Variants in CNTRL observed in about 807,000 individuals in gnomAD.
The protein encoded by CNTRL is centriolin.
CNTRL carries 233 observed loss-of-function variants against 303.7 expected under a neutral mutation model. The ratio of observed to expected loss-of-function variants is 0.77; its 90% CI spans 0.69 to 0.86. CNTRL has a LOEUF of 0.86. Among genes scored for constraint, CNTRL ranks in the 40% least tolerant of loss-of-function variants. The pLI is 0.00. For synonymous variants in CNTRL, 900 were observed against 922.2 expected (o/e 0.98, Z 0.44); for missense variants, 2,524 against 2,650.6 (o/e 0.95, Z 1.05).
intron 14 of CNTRL, 63 bp downstream of exon 14, chr9:121,125,999 A>G (rs2050502003): frequency 1.5e-6 from 2 of 1,344,578 alleles, no homozygotes; most frequent in Non-Finnish European, 2.1e-6. Context: ...AAATTAAGTT[A>G]GTTGGAGGAG....
In CNTRL at chr9:121,100,948, C is replaced by T. The variant is rs2049133954; in HGVS notation, c.808+2376C>T. The stretch of plus-strand genomic sequence containing the variant: ...ACCTACAAAGAGACTTAGACTCCCA[C>T]ACAATAATAATGGGAGACTTTAACA... On this transcript the variant is annotated intron_variant, in intron 7 of 43. Coordinates refer to ENST00000373855, the MANE Select transcript of CNTRL (RefSeq NM_007018.6). 2.0e-5 allele frequency among the ~76,000 whole-genome samples: 3 copies of T among 152,312 alleles called. No individual in the cohort carries two copies. In the South Asian group the frequency reaches 6.2e-4, roughly 32 times the overall value.
intron 15 of CNTRL, among the ~76,000 whole-genome samples, chr9:121,137,633 T>G (rs1278454416): frequency 6.6e-6 from 1 of 152,194 alleles, no homozygotes; most frequent in Non-Finnish European, 1.5e-5. Context: ...ATTGTATTTC[T>G]CGAGTACCGA....
chr9:121,156,072 A>G (rs1232015179), intron 27 of CNTRL, among the ~76,000 whole-genome samples: 1 of 152,054 alleles, frequency 6.6e-6, no homozygotes, highest in African/African-American at 2.4e-5. Flanking sequence ...GAGAAAATAG[A>G]TGTGAGCAGA....
intron 40 of CNTRL, among the ~76,000 whole-genome samples, chr9:121,172,534 G>A (rs1004078078): frequency 2.6e-5 from 4 of 152,068 alleles, no homozygotes; most frequent in Admixed American, 6.5e-5. Flanking sequence ...CCAGCTATTC[G>A]GGAGGCTGAG....
intron 14 of CNTRL, among the ~76,000 whole-genome samples, chr9:121,132,513 A>G (rs889752900): frequency 6.6e-6 from 1 of 152,074 alleles, no homozygotes; most frequent in African/African-American, 2.4e-5. Flanking sequence ...TACACTCTTT[A>G]TTCTAATTAG....
chr9:121,177,492 C>CA lies in CNTRL; in HGVS notation c.*306_*307insA. 1 of 314,670 alleles carries CA rather than the reference C, an allele frequency of 3.2e-6. No individual in the cohort carries two copies. Among genetic ancestry groups the CA allele is most frequent in the African/African-American group, 2.1e-5 (1 of 46,946 alleles). The allele number at this position is 314,670 out of a possible 1,614,324, so 19.5% of individuals were successfully genotyped here. A position where few individuals can be genotyped will look rare whatever the true frequency, so the allele number is the denominator to read the frequency against. On this transcript the variant is annotated 3_prime_UTR_variant, in exon 44 of 44. Coordinates refer to ENST00000373855, the MANE Select transcript of CNTRL (RefSeq NM_007018.6). ...TTAACTGCATATTTGAACCTACAAA[C>CA]TGGTAAATCTTATTAACAAAAAGAA...
chr9:121,163,415 A>G (rs2052948448), intron 34 of CNTRL, among the ~76,000 whole-genome samples: 2 of 151,392 alleles, frequency 1.3e-5, no homozygotes, highest in Admixed American at 6.6e-5. Context: ...CTTCTAGAAG[A>G]AAACATAAAA....
At chr9:121,137,928 C>T (rs1312914204) in intron 15 of CNTRL, among the ~76,000 whole-genome samples, 1 of 152,194 alleles carries the variant, frequency 6.6e-6, no homozygotes, top group Non-Finnish European at 1.5e-5. Context: ...GACATTCCCC[C>T]TCCCTCAGCA....
Position 121,095,019 on chromosome 9 carries a change from G to A in CNTRL, c.479+1G>A, listed in dbSNP as rs368045013. 7.5e-6 allele frequency: 12 copies of A among 1,593,882 alleles called. No homozygotes were observed. In the South Asian group the frequency reaches 1.1e-4, roughly 15 times the overall value. On this transcript the variant is annotated splice_donor_variant, in intron 5 of 43. Coordinates refer to ENST00000373855, the MANE Select transcript of CNTRL (RefSeq NM_007018.6). LOFTEE classifies it high-confidence loss of function. ...TCAACTTATCATATAACAAAATCAG[G>A]TGAGTTATATAACAAAATCTTTAGG...
Position 121,146,154 on chromosome 9 carries a change from T to G in CNTRL, c.3357T>G (p.Leu1119=), listed in dbSNP as rs533228870. 3 of 1,613,202 alleles carry G rather than the reference T, an allele frequency of 1.9e-6. No homozygotes were observed. The highest frequency in any genetic ancestry group is 2.5e-6 in the Non-Finnish European group (3 of 1,179,770). The change falls in exon 23 of 44, where the codon CTT becomes CTG. Residue 1119 remains leucine (L), a synonymous_variant. Coordinates refer to ENST00000373855, the MANE Select transcript of CNTRL (RefSeq NM_007018.6). ...FENVLEEIAE[L]RREVSYQNDY... ...ATGTTTTAGAAGAAATTGCTGAACT[T>G]CGACGTGAAGTTTCTTATCAGAATG...
rs1018900281 is a variant in CNTRL at position 121,080,451 on chromosome 9, C to G, written c.-59C>G. On this transcript the variant is annotated 5_prime_UTR_variant, in exon 2 of 44. Coordinates refer to ENST00000373855, the MANE Select transcript of CNTRL (RefSeq NM_007018.6). ...TAACTGGGACTGCAAGTATACATAC[C>G]GTGCCTGACGAAATATCACAATATT... is the stretch of plus-strand genomic sequence containing the variant. 1 of 152,108 alleles carries G rather than the reference C, an allele frequency of 6.6e-6. No individual in the cohort carries two copies. The highest frequency in any genetic ancestry group is 2.4e-5 in the African/African-American group (1 of 41,404). 9.4% of individuals were successfully genotyped at this position (152,108 alleles called of 1,614,324 possible).
At chr9:121,092,109 G>T (rs1160674169) in intron 4 of CNTRL, among the ~76,000 whole-genome samples, 1 of 145,558 alleles carries the variant, frequency 6.9e-6, no homozygotes, top group Non-Finnish European at 1.5e-5. Context: ...ATATTTTATA[G>T]ATTTTTATAG....
intron 4 of CNTRL, among the ~76,000 whole-genome samples, chr9:121,092,315 GC>G (rs2048613541): frequency 7.0e-6 from 1 of 143,160 alleles, no homozygotes; most frequent in Non-Finnish European, 1.5e-5. Flanking sequence ...ACTGCCTGGT[GC>G]TAAATAAATA....
chr9:121,164,125 A>T (rs1410449455), intron 34 of CNTRL, among the ~76,000 whole-genome samples: 2 of 152,128 alleles, frequency 1.3e-5, no homozygotes, highest in Non-Finnish European at 2.9e-5. Context: ...CGGCCTCCCA[A>T]AGTGCTGGGA....
At chr9:121,167,436 C>T (rs2053140124) in intron 36 of CNTRL, 53 bp from the exon 37 acceptor site, 1 of 1,494,238 alleles carries the variant, frequency 6.7e-7, no homozygotes, top group Non-Finnish European at 9.2e-7. Flanking sequence ...GCACTGACCA[C>T]CTCTAGTAAA....
intron 40 of CNTRL, among the ~76,000 whole-genome samples, chr9:121,172,054 C>G (rs772879759): frequency 2.6e-5 from 4 of 152,180 alleles, no homozygotes; most frequent in Non-Finnish European, 5.9e-5. Flanking sequence ...AGTCGGGCTG[C>G]TGTAGCCACT....
intron 7 of CNTRL, among the ~76,000 whole-genome samples, chr9:121,100,995 T>G (rs1321183686): frequency 1.3e-5 from 2 of 149,006 alleles, no homozygotes; most frequent in Non-Finnish European, 3.0e-5. Flanking sequence ...CAATGTTAGA[T>G]CCACAAGAGA....
intron 1 of CNTRL, among the ~76,000 whole-genome samples, chr9:121,079,265 G>A (rs942637138): frequency 3.3e-5 from 5 of 152,198 alleles, no homozygotes; most frequent in Admixed American, 6.5e-5. Context: ...TGTGGAAATG[G>A]CATAAATAGC....
At chr9:121,075,817 C>T (rs1033412647) in intron 1 of CNTRL, among the ~76,000 whole-genome samples, 2 of 152,212 alleles carry the variant, frequency 1.3e-5, no homozygotes, top group Admixed American at 1.3e-4. Context: ...TTATCATCCC[C>T]ATTTAAAAAG....
Sources: allele counts gnomAD v4.1 joint callset (sites outside exome capture counted in the v4.1 genomes callset), GRCh38; gene constraint gnomAD v4.1.1; transcripts MANE v1.5; gene names NCBI Gene and HGNC (gene_info 2026-07-23, HGNC 2026-07-21).